MYBPHL: variants seen among roughly 807,000 people sequenced by gnomAD.
MYBPHL encodes myosin binding protein H like.
Under a neutral mutation model 39.5 loss-of-function variants are expected in MYBPHL, and 32 were observed. The ratio of observed to expected loss-of-function variants is 0.81; its 90% CI spans 0.61 to 1.09. The LOEUF (loss-of-function observed/expected upper bound fraction) is 1.09, where lower values mean the gene tolerates loss of function less well. Among genes scored for constraint, MYBPHL ranks in the 50% least tolerant of loss-of-function variants. The pLI is 0.00. For synonymous variants in MYBPHL, 196 were observed against 183.7 expected, an observed-to-expected ratio of 1.07 and a Z score of -0.54; for missense variants, 456 against 460.2, an observed-to-expected ratio of 0.99 and a Z score of 0.08.
At chr1:109,298,284 G>A (rs1658161060) in intron 1 of MYBPHL, 27 bp from the exon 2 acceptor site, 3 of 1,591,020 alleles carry the variant, frequency 1.9e-6, no homozygotes, top group East Asian at 2.3e-5. Context: ...GAGAGAATAG[G>A]AGATGGATAC....
intron 8 of MYBPHL, 41 bp downstream of exon 8, chr1:109,294,165 A>C: frequency 7.6e-7 from 1 of 1,319,328 alleles, no homozygotes; most frequent in Non-Finnish European, 1.1e-6. Flanking sequence ...AGCCATAAAC[A>C]GGAAGTAATC....
In MYBPHL at chr1:109,295,215, G is replaced by T; in HGVS notation, c.950C>A (p.Ser317Tyr). The part of the protein sequence containing the change: ...YRALTHLGIC[S>Y]LEIRKPGPFD... ...GGGACCCGGCTTGCGGATCTCTAGG[G>T]AGCAGATTCCCAGGTGAGTCAGGGC... Residue 317 changes from serine to tyrosine, a missense_variant, in exon 7 of 9, where the codon TCC (serine) becomes TAC (tyrosine). Ser to Tyr is a moderately radical substitution (Grantham distance 144). Transcript: ENST00000357155. 2 of 1,614,166 alleles carry T rather than the reference G, an allele frequency of 1.2e-6. No individual in the cohort carries two copies. Among genetic ancestry groups the T allele is most frequent in the South Asian group, 2.2e-5 (2 of 91,078 alleles).
In MYBPHL at chr1:109,295,274, G is replaced by A. The variant is rs147013243; in HGVS notation, c.891C>T (p.Asn297=). 3.6e-5 allele frequency: 58 copies of A among 1,614,034 alleles called. 1 individual carries two copies. In the South Asian group the frequency reaches 4.1e-4, roughly 11 times the overall value. The stretch of plus-strand genomic sequence containing the variant: ...TAGGGTTGCCTTGGATATCCATCTT[G>A]TTCTTCAGCCAGATGATCTTGGGCT... ...SPRPKIIWLK[N]KMDIQGNPKY... The change falls in exon 7 of 9, where the codon AAC becomes AAT. Residue 297 remains asparagine, a synonymous_variant. Coordinates refer to ENST00000357155, the MANE Select transcript of MYBPHL (RefSeq NM_001010985.3).
intron 7 of MYBPHL, 92 bp downstream of exon 7, chr1:109,295,019 C>G (rs761810571): frequency 1.9e-5 from 26 of 1,349,408 alleles, no homozygotes; most frequent in Non-Finnish European, 2.6e-5. Flanking sequence ...CCCTTCTCCC[C>G]CTAGGCTTGC....
In MYBPHL at chr1:109,296,873, A is replaced by T. The variant is rs1557762913; in HGVS notation, c.640T>A (p.Ser214Thr). ...TCAGCAAAGACACGGAAGGCATAGG[A>T]GTTGCCGATGATGAGGTCAGAGACG... The part of the protein sequence containing the change: ...CIVSDLIIGN[S>T]YAFRVFAENQ... Residue 214 changes from serine (S) to threonine (T), a missense_variant, in exon 5 of 9, where the codon TCC becomes ACC. Ser to Thr is a moderately conservative substitution (Grantham distance 58). Coordinates refer to ENST00000357155, the MANE Select transcript of MYBPHL (RefSeq NM_001010985.3). 6.2e-7 allele frequency: 1 copy of T among 1,614,104 alleles called. No homozygotes were observed. The highest frequency in any genetic ancestry group is 1.1e-5 in the South Asian group (1 of 91,082).
In MYBPHL at chr1:109,296,308, G is replaced by C. The variant is rs941122942; in HGVS notation, c.793C>G (p.Gln265Glu). The change falls in exon 6 of 9, where the codon CAG becomes GAG. Residue 265 changes from glutamine (Q) to glutamate (E), a missense_variant. Gln to Glu is a conservative substitution (Grantham distance 29). Coordinates refer to ENST00000357155, the MANE Select transcript of MYBPHL (RefSeq NM_001010985.3). ...ACTGTAGTGCAGTCGGCCAGAGGCT[G>C]GGTAAACTTTGGGGCTTCAGAGAAG... is the stretch of plus-strand genomic sequence containing the variant. ...RDFSEAPKFT[Q>E]PLADCTTVTG... 4 of 1,614,022 alleles carry C rather than the reference G, an allele frequency of 2.5e-6. No homozygotes were observed. The African/African-American group carries it at 5.3e-5, about 22-fold the overall frequency.
chr1:109,292,445 T>A lies in MYBPHL; in HGVS notation c.*177A>T. 6.6e-6 allele frequency: 1 copy of A among 152,328 alleles called. No individual in the cohort carries two copies. 9.4% of individuals were successfully genotyped at this position (152,328 alleles called of 1,614,324 possible). ...CTCCTTGAGGACACAGTCTCACCAC[T>A]GGCGGGCTTCCTGGAGGCACTGAAA... On this transcript the variant is annotated 3_prime_UTR_variant, in exon 9 of 9. Coordinates refer to ENST00000357155, the MANE Select transcript of MYBPHL (RefSeq NM_001010985.3).
chr1:109,297,213 T>C, intron 3 of MYBPHL, 24 bp from the exon 4 acceptor site: 1 of 1,614,164 alleles, frequency 6.2e-7, no homozygotes, highest in Non-Finnish European at 8.5e-7. Context: ...GCCATGGCAG[T>C]GGGCGTGGAA....
At chr1:109,298,123 T>C in intron 2 of MYBPHL, 46 bp downstream of exon 2, 1 of 1,495,496 alleles carries the variant, frequency 6.7e-7, no homozygotes. Context: ...ATCCAAAACC[T>C]GCACTGGCCC....
intron 8 of MYBPHL, among the ~76,000 whole-genome samples, chr1:109,293,617 G>C (rs1041379894): frequency 6.6e-6 from 1 of 152,004 alleles, no homozygotes; most frequent in Non-Finnish European, 1.5e-5. Context: ...GTGGGTGCCT[G>C]TAGTCCCAGC....
intron 2 of MYBPHL, 21 bp from the exon 3 acceptor site, chr1:109,297,638 T>C (rs1235833039): frequency 3.7e-6 from 6 of 1,604,268 alleles, no homozygotes; most frequent in Non-Finnish European, 5.1e-6. Flanking sequence ...AGGGTAATGC[T>C]TTGAGCAGCC....
At chr1:109,303,403 T>C (rs1658360044) in intron 1 of MYBPHL, among the ~76,000 whole-genome samples, 1 of 152,232 alleles carries the variant, frequency 6.6e-6, no homozygotes, top group Admixed American at 6.5e-5. Flanking sequence ...TGGCAATACC[T>C]AACCCTTGTT....
At position 109,297,508 on chromosome 1, in the gene MYBPHL, G is replaced by A. The variant is rs772954453; in HGVS notation, c.344C>T (p.Ala115Val). 4.3e-5 allele frequency: 70 copies of A among 1,613,786 alleles called. No individual in the cohort carries two copies. Among genetic ancestry groups the A allele is most frequent in the Non-Finnish European group, 5.6e-5 (66 of 1,180,018 alleles). Residue 115 changes from alanine (A) to valine (V), a missense_variant, in exon 3 of 9, where the codon GCC (alanine) becomes GTC (valine). Transcript: ENST00000357155. ...GTAGCGACCTGAGTCAGCACGTTGG[G>A]CTTCTCGGATGAAGAGGATGGAGTC... ...EQDSILFIRE[A>V]QRADSGRYQL...
At chr1:109,294,732 G>A (rs1570844045) in intron 7 of MYBPHL, among the ~76,000 whole-genome samples, 1 of 152,272 alleles carries the variant, frequency 6.6e-6, no homozygotes, top group Middle Eastern at 3.4e-3. Context: ...CCTAGGCTGA[G>A]TCAGAAGATT....
intron 6 of MYBPHL, 49 bp from the exon 7 acceptor site, chr1:109,295,346 C>A (rs1658023890): frequency 3.2e-6 from 5 of 1,542,158 alleles, no homozygotes; most frequent in Non-Finnish European, 4.4e-6. Context: ...AGGGTAAGAA[C>A]CAATAGTCTT....
intron 1 of MYBPHL, among the ~76,000 whole-genome samples, chr1:109,304,270 T>C (rs945965223): frequency 5.9e-5 from 9 of 151,864 alleles, no homozygotes; most frequent in Admixed American, 1.3e-4. Flanking sequence ...AGGCACAACC[T>C]AAATATTTGT....
chr1:109,306,810 C>A, intron 1 of MYBPHL, 37 bp downstream of exon 1: 1 of 1,525,480 alleles, frequency 6.6e-7, no homozygotes, highest in Non-Finnish European at 8.8e-7. Flanking sequence ...ACTCCCACCA[C>A]CCGGCCTCCC....
chr1:109,293,457 C>T (rs1242699706), intron 8 of MYBPHL, among the ~76,000 whole-genome samples: 1 of 152,128 alleles, frequency 6.6e-6, no homozygotes, highest in Non-Finnish European at 1.5e-5. Context: ...AAAATGGTTA[C>T]AACAGGCTGG....
intron 1 of MYBPHL, 68 bp downstream of exon 1, chr1:109,306,779 A>C (rs1165553020): frequency 2.2e-6 from 3 of 1,382,196 alleles, no homozygotes; most frequent in Non-Finnish European, 2.9e-6. Flanking sequence ...GCCGTTCAGG[A>C]AGGTGGCGAT....
Sources: allele counts gnomAD v4.1 joint callset (sites outside exome capture counted in the v4.1 genomes callset), GRCh38; gene constraint gnomAD v4.1.1; transcripts MANE v1.5; gene names NCBI Gene and HGNC (gene_info 2026-07-23, HGNC 2026-07-21).